The following SBNO1 variants were observed in gnomAD, a reference collection of about 807,000 sequenced individuals.
The protein encoded by SBNO1 is protein strawberry notch homolog 1.
A neutral mutation model predicts 173.6 loss-of-function variants in SBNO1; 23 were observed. That is an observed-to-expected ratio of 0.13 (90% CI 0.10 to 0.19). The LOEUF is 0.19. Ranked by LOEUF, SBNO1 falls within the 10% of genes least tolerant of loss-of-function variation. The probability of loss-of-function intolerance (pLI) is 1.00; values close to 1 mark genes in which losing one functional copy is unlikely to be tolerated. For missense variants in SBNO1, 1,238 were observed against 1,671.2 expected (o/e 0.74, Z 4.52); for synonymous variants, 632 against 571.5 (o/e 1.11, Z -1.51).
rs2048489318 is a variant in SBNO1, at chr12:123,290,078, T to C, written c.*5830A>G. ...GCCTTTTTGGGCTTCTTCTTTTCCT[T>C]GCTTAGCCCTGCACTAAGGGGCAGT... On this transcript the variant is annotated 3_prime_UTR_variant, in exon 32 of 32. Coordinates refer to ENST00000602398, the MANE Select transcript of SBNO1 (RefSeq NM_001167856.3). The C allele has an allele frequency of 6.6e-6, 1 of 152,238 alleles. No individual in the cohort carries two copies. The highest frequency in any genetic ancestry group is 1.5e-5 in the Non-Finnish European group (1 of 68,050). 9.4% of individuals were successfully genotyped at this position (152,238 alleles called of 1,614,324 possible). A position where few individuals can be genotyped will look rare whatever the true frequency, so the allele number is the denominator to read the frequency against.
rs557735346 is a variant in SBNO1 at position 123,330,254 on chromosome 12, G to A, written c.1134+165C>T. On this transcript the variant is annotated intron_variant, in intron 9 of 31. Coordinates refer to ENST00000602398, the MANE Select transcript of SBNO1 (RefSeq NM_001167856.3). ...ACTGCCTGTCAGTGTTTAGCATATA[G>A]GAATCCACAAACCAACAATAGTGGC... Among the ~76,000 whole-genome samples the A allele has an allele frequency of 9.9e-5, 15 of 152,212 alleles. No individual in the cohort carries two copies. In the South Asian group the frequency reaches 3.1e-3, roughly 32 times the overall value.
intron 24 of SBNO1, among the ~76,000 whole-genome samples, chr12:123,312,884 C>T (rs1868766080): frequency 6.6e-6 from 1 of 152,070 alleles, no homozygotes; most frequent in South Asian, 2.1e-4. Context: ...GGTACTTTTT[C>T]AACTTTAAAA....
rs1869396796 is a variant in SBNO1, at chr12:123,317,288, A to G, written c.2868T>C (p.Asn956=). ...ISLQADRRAK[N]QRRRVHMTLE... ...AAGTCATATGAACTCTTCGCCTTTG[A>G]TTTTTAGCTCTCCTATCTGCTTGTA... Residue 956 remains asparagine (N), a synonymous_variant, in exon 21 of 32, where the codon AAT becomes AAC. Coordinates refer to ENST00000602398, the MANE Select transcript of SBNO1 (RefSeq NM_001167856.3). The G allele has an allele frequency of 1.2e-6, 2 of 1,613,912 alleles. No individual in the cohort carries two copies. The highest frequency in any genetic ancestry group is 1.3e-5 in the African/African-American group (1 of 74,908).
chr12:123,331,383 A>G lies in SBNO1; in HGVS notation c.910-8T>C, dbSNP rs775017042. On this transcript the variant is annotated splice_region_variant and splice_polypyrimidine_tract_variant and intron_variant, in intron 7 of 31. Transcript: ENST00000602398. ...TAGGAAAGTTTCATGTTGCTGAAAA[A>G]CAAAAGGCTGGTAATTAATATAATC... 3 of 1,612,786 alleles carry G rather than the reference A, an allele frequency of 1.9e-6. No homozygotes were observed. The highest frequency in any genetic ancestry group is 2.5e-6 in the Non-Finnish European group (3 of 1,179,526).
rs199749468 is a variant in SBNO1, at chr12:123,298,265, C to CT, written c.3846-95dup. Reference sequence around the variant, plus strand: ...TACAAGGTCAACTCAAATTTCTTTTCTTTTCTTTTTTTTTTGTTGAGATGG... The same window carrying CT: ...TACAAGGTCAACTCAAATTTCTTTTCTTTTTCTTTTTTTTTTGTTGAGATGG... On this transcript the variant is annotated intron_variant, in intron 30 of 31. Transcript: ENST00000602398. 5,753 of 1,227,268 alleles carry CT rather than the reference C, an allele frequency of 4.7e-3. 3 individuals are homozygous for CT. The highest frequency in any genetic ancestry group is 0.028 in the East Asian group (911 of 32,484). The allele number at this position is 1,227,268 out of a possible 1,614,324, so 76.0% of individuals were successfully genotyped here. A position where few individuals can be genotyped will look rare whatever the true frequency, so the allele number is the denominator to read the frequency against.
chr12:123,334,242 T>G (rs751150470), intron 6 of SBNO1, 29 bp from the exon 7 acceptor site: 6 of 1,317,982 alleles, frequency 4.6e-6, no homozygotes, highest in Middle Eastern at 1.8e-4. Context: ...ACATTTTATT[T>G]TAATTATTCT....
intron 16 of SBNO1, among the ~76,000 whole-genome samples, chr12:123,323,474 C>T (rs1023983556): frequency 1.3e-5 from 2 of 152,102 alleles, no homozygotes; most frequent in African/African-American, 2.4e-5. Context: ...CCTGCCTCAG[C>T]CTCCCGAGTA....
At chr12:123,314,188 GAC>G in intron 23 of SBNO1, among the ~76,000 whole-genome samples, 1 of 152,004 alleles carries the variant, frequency 6.6e-6, no homozygotes, top group Middle Eastern at 3.4e-3. Context: ...TTTTTTTGGA[GAC>G]AGAGTTTTGC....
chr12:123,296,481 T>G (rs2048597463), intron 31 of SBNO1, among the ~76,000 whole-genome samples: 1 of 149,616 alleles, frequency 6.7e-6, no homozygotes, highest in African/African-American at 2.5e-5. Context: ...GGGTGCTGGT[T>G]AAGGGAACTT....
At chr12:123,346,198 T>C (rs1873113964) in intron 3 of SBNO1, among the ~76,000 whole-genome samples, 1 of 152,174 alleles carries the variant, frequency 6.6e-6, no homozygotes, top group African/African-American at 2.4e-5. Flanking sequence ...GGAGGTTCAC[T>C]TGATTTTAAG....
At chr12:123,323,321 A>G (rs1267509578) in intron 16 of SBNO1, among the ~76,000 whole-genome samples, 6 of 152,176 alleles carry the variant, frequency 3.9e-5, no homozygotes, top group African/African-American at 1.2e-4. Flanking sequence ...TTATGTTTTA[A>G]TTTCAACAGT....
chr12:123,332,980 C>T (rs1166569334), intron 7 of SBNO1, among the ~76,000 whole-genome samples: 1 of 152,034 alleles, frequency 6.6e-6, no homozygotes, highest in African/African-American at 2.4e-5. Flanking sequence ...AAAAATTAGC[C>T]GGGCGTGGCG....
At chr12:123,348,290 C>CAA (rs1873454631) in intron 2 of SBNO1, among the ~76,000 whole-genome samples, 157 bp from the exon 3 acceptor site, 1 of 152,202 alleles carries the variant, frequency 6.6e-6, no homozygotes, top group Non-Finnish European at 1.5e-5. Context: ...TTTGCAAGCA[C>CAA]AAGATCTCCA....
intron 4 of SBNO1, among the ~76,000 whole-genome samples, chr12:123,342,824 G>A (rs1276906668): frequency 2.0e-5 from 3 of 152,124 alleles, no homozygotes; most frequent in African/African-American, 7.2e-5. Context: ...ATAGAGGTGC[G>A]GAAATCACTG....
At chr12:123,320,657 G>A (rs1234729497) in intron 18 of SBNO1, 42 bp downstream of exon 18, 4 of 1,596,396 alleles carry the variant, frequency 2.5e-6, no homozygotes, top group African/African-American at 2.7e-5. Flanking sequence ...AAATATTTTT[G>A]TTTAAAACAG....
rs997173952 is a variant in SBNO1, at chr12:123,317,439, T to G, written c.2800-83A>C. ...CCTTAAATGAAGTCCTTCAGCAGAC[T>G]GCCTATTCTCTCCTTCTTTCTCAAT... On this transcript the variant is annotated intron_variant, in intron 20 of 31. Transcript: ENST00000602398. The G allele has an allele frequency of 1.0e-5, 12 of 1,200,706 alleles. No individual in the cohort carries two copies. The African/African-American group carries it at 1.7e-4, about 17-fold the overall frequency. The allele number at this position is 1,200,706 out of a possible 1,614,324, so 74.4% of individuals were successfully genotyped here. A position where few individuals can be genotyped will look rare whatever the true frequency, so the allele number is the denominator to read the frequency against.
At chr12:123,320,205 C>T (rs80299905) in intron 19 of SBNO1, among the ~76,000 whole-genome samples, 174 bp from the exon 20 acceptor site, 2,994 of 152,242 alleles carry the variant, frequency 0.02, 51 homozygotes, top group Non-Finnish European at 0.03. Context: ...CACATGGCCA[C>T]GATCACAAAA....
In SBNO1 at chr12:123,309,504, G is replaced by T; in HGVS notation, c.3522C>A (p.His1174Gln). ...CTAAACTTACTGTGTATAATTCTAC[G>T]TGGCCAGAGGTTGAATATCCTGGAG... ...FLTPGYSTSG[H>Q]VELYTISVER... Residue 1174 changes from histidine to glutamine, a missense_variant, in exon 27 of 32, where the codon CAC becomes CAA. This residue lies in a region of SBNO1 where 351 missense variants were observed against 420.3 expected (regional missense o/e 0.84). Coordinates refer to ENST00000602398, the MANE Select transcript of SBNO1 (RefSeq NM_001167856.3). 6.2e-7 allele frequency: 1 copy of T among 1,612,858 alleles called. No homozygotes were observed.
intron 28 of SBNO1, among the ~76,000 whole-genome samples, chr12:123,305,961 AT>A (rs2048904182): frequency 6.6e-6 from 1 of 152,096 alleles, no homozygotes; most frequent in South Asian, 2.1e-4. Flanking sequence ...AAGTAAAACC[AT>A]TTTCCCAGCC....
Sources: allele counts gnomAD v4.1 joint callset (sites outside exome capture counted in the v4.1 genomes callset), GRCh38; gene constraint gnomAD v4.1.1; regional missense constraint gnomAD v4.1.1; transcripts MANE v1.5; gene names NCBI Gene and HGNC (gene_info 2026-07-23, HGNC 2026-07-21).